The following GORASP2 variants were observed in gnomAD, a reference collection of about 807,000 sequenced individuals.
The protein encoded by GORASP2 is golgi reassembly stacking protein 2.
Under a neutral mutation model 45.7 loss-of-function variants are expected in GORASP2, and 22 were observed. That is an observed-to-expected ratio of 0.48 (90% CI 0.34 to 0.69). The LOEUF is 0.69. Ranked by LOEUF, GORASP2 falls within the 30% of genes least tolerant of loss-of-function variation. GORASP2 has a pLI of 0.01. For missense variants in GORASP2, 491 were observed against 562.7 expected (o/e 0.87, Z 1.29); for synonymous variants, 221 against 215.6 (o/e 1.02, Z -0.22).
At chr2:170,938,194 T>C (rs1033760837) in intron 1 of GORASP2, among the ~76,000 whole-genome samples, 30 of 152,392 alleles carry the variant, frequency 2.0e-4, no homozygotes, top group African/African-American at 7.2e-4. Flanking sequence ...ATGTGGAATA[T>C]AATAAGGATT....
intron 9 of GORASP2, 85 bp downstream of exon 9, chr2:170,963,031 G>A: frequency 1.2e-6 from 1 of 852,716 alleles, no homozygotes; most frequent in Non-Finnish European, 2.0e-6. Context: ...TTTTTCTGGA[G>A]AGAGCAAATC....
At chr2:170,948,025 G>C (rs1704217138) in intron 1 of GORASP2, among the ~76,000 whole-genome samples, 2 of 152,226 alleles carry the variant, frequency 1.3e-5, no homozygotes, top group African/African-American at 4.8e-5. Context: ...TCGGGAGGCT[G>C]AGGCACAAGA....
At chr2:170,943,860 G>C (rs574377154) in intron 1 of GORASP2, among the ~76,000 whole-genome samples, 1 of 152,156 alleles carries the variant, frequency 6.6e-6, no homozygotes, top group African/African-American at 2.4e-5. Context: ...AATTTTTGTA[G>C]AGATGGAGTC....
chr2:170,943,920 C>G (rs527415184), intron 1 of GORASP2, among the ~76,000 whole-genome samples: 1 of 152,288 alleles, frequency 6.6e-6, no homozygotes, highest in East Asian at 1.9e-4. Flanking sequence ...AGGAGATCCT[C>G]TCACCTCTGC....
At chr2:170,934,722 CT>C (rs967994104) in intron 1 of GORASP2, among the ~76,000 whole-genome samples, 6 of 151,778 alleles carry the variant, frequency 4.0e-5, no homozygotes, top group African/African-American at 9.7e-5. Context: ...TTGATCTCTC[CT>C]TTTTTTTCTT....
chr2:170,950,706 G>A (rs1263266900), intron 4 of GORASP2, among the ~76,000 whole-genome samples: 3 of 152,216 alleles, frequency 2.0e-5, no homozygotes, highest in Non-Finnish European at 4.4e-5. Context: ...AAAAGGCTGG[G>A]CACAGTGGCT....
At chr2:170,944,992 G>A (rs765062718) in intron 1 of GORASP2, among the ~76,000 whole-genome samples, 2 of 152,068 alleles carry the variant, frequency 1.3e-5, no homozygotes, top group Non-Finnish European at 2.9e-5. Flanking sequence ...ACATCTAGTT[G>A]ATCTGACTTT....
In GORASP2 at chr2:170,929,398, C is replaced by G. The variant is rs777118380; in HGVS notation, c.58C>G (p.Leu20Val). ...CGGGGGCACCGAGGGCTACCACGTT[C>G]TGCGGGTAAGGGCTCCGACGGCGGC... ...PGGGTEGYHV[L>V]RVQENSPGHR... is the part of the protein sequence containing the mutation. The change falls in exon 1 of 10, where the codon CTG (leucine) becomes GTG (valine). Residue 20 changes from leucine (L) to valine (V), a missense_variant. Transcript: ENST00000234160. The G allele has an allele frequency of 4.9e-6, 7 of 1,417,142 alleles. No homozygotes were observed. The South Asian group carries it at 1.1e-4, about 22-fold the overall frequency. The allele number at this position is 1,417,142 out of a possible 1,614,324, so 87.8% of individuals were successfully genotyped here.
chr2:170,946,397 T>A (rs1041825208), intron 1 of GORASP2, among the ~76,000 whole-genome samples: 16 of 152,218 alleles, frequency 1.1e-4, no homozygotes, highest in Non-Finnish European at 1.9e-4. Flanking sequence ...GATTATATTT[T>A]TTATTTTTTG....
In GORASP2 at chr2:170,929,308, A is replaced by C; in HGVS notation, c.-33A>C. 2 of 1,338,936 alleles carry C rather than the reference A, an allele frequency of 1.5e-6. No individual in the cohort carries two copies. The highest frequency in any genetic ancestry group is 1.9e-6 in the Non-Finnish European group (2 of 1,045,548). The allele number at this position is 1,338,936 out of a possible 1,614,324, so 82.9% of individuals were successfully genotyped here. ...TGCGCTGGGGGCGGGAGCAGCGCGG[A>C]GCCCGGCTCGGCCACACCGATCGCC... On this transcript the variant is annotated 5_prime_UTR_variant, in exon 1 of 10. Transcript: ENST00000234160.
chr2:170,955,161 A>G (rs964861529), intron 6 of GORASP2, among the ~76,000 whole-genome samples: 1 of 152,198 alleles, frequency 6.6e-6, no homozygotes. Flanking sequence ...CCAAGCTTCA[A>G]GAAATCGAAC....
At position 170,961,692 on chromosome 2, in the gene GORASP2, C is replaced by G. The variant is rs778417786; in HGVS notation, c.853C>G (p.Gln285Glu). 4.1e-5 allele frequency: 65 copies of G among 1,597,162 alleles called. No homozygotes were observed. The highest frequency in any genetic ancestry group is 4.1e-5 in the Non-Finnish European group (48 of 1,164,586). Residue 285 changes from glutamine (Q) to glutamate (E), a missense_variant, in exon 8 of 10, where the codon CAA (glutamine) becomes GAA (glutamate). This residue lies in a region of GORASP2 where 297 missense variants were observed against 292.3 expected (regional missense o/e 1.02). Transcript: ENST00000234160. ...GVPTVPLLPPQVNQSLTSVPP... is the reference protein window; with the variant it reads ...GVPTVPLLPPEVNQSLTSVPP... The stretch of plus-strand genomic sequence containing the variant: ...ACCAACAGTACCGTTATTGCCACCA[C>G]AAGTAAACCAGTCCCTCACTTCTGT...
intron 1 of GORASP2, among the ~76,000 whole-genome samples, chr2:170,932,042 A>G (rs1703837577): frequency 1.3e-5 from 2 of 152,352 alleles, no homozygotes; most frequent in South Asian, 2.1e-4. Flanking sequence ...CCTGACCAAC[A>G]TGGTGAAACC....
intron 1 of GORASP2, among the ~76,000 whole-genome samples, chr2:170,930,590 C>T (rs189731283): frequency 1.2e-4 from 19 of 152,194 alleles, no homozygotes; most frequent in African/African-American, 3.9e-4. Context: ...ATTATCGTGT[C>T]TATTGCCTTT....
chr2:170,966,611 G>A lies in GORASP2; in HGVS notation c.*481G>A, dbSNP rs982840052. ...TTTTTACTTTTGGTCTCCGTGAGTCGCATCTCTACTAAGGTTTACACAGGA... is the reference window on the plus strand; with the variant it reads ...TTTTTACTTTTGGTCTCCGTGAGTCACATCTCTACTAAGGTTTACACAGGA... On this transcript the variant is annotated 3_prime_UTR_variant, in exon 10 of 10. Coordinates refer to ENST00000234160, the MANE Select transcript of GORASP2 (RefSeq NM_015530.5). The A allele has an allele frequency of 5.4e-6, 1 of 185,854 alleles. No individual in the cohort carries two copies. Among genetic ancestry groups the A allele is most frequent in the South Asian group, 1.0e-4 (1 of 9,664 alleles). The allele number at this position is 185,854 out of a possible 1,614,324, so 11.5% of individuals were successfully genotyped here.
intron 1 of GORASP2, 137 bp downstream of exon 1, chr2:170,929,540 T>C: frequency 1.3e-6 from 1 of 741,760 alleles, no homozygotes; most frequent in Non-Finnish European, 2.0e-6. Flanking sequence ...GGGCGCTGCC[T>C]TGGTCGAGGC....
At chr2:170,958,668 TTTTTTTA>T (rs1378109317) in intron 7 of GORASP2, among the ~76,000 whole-genome samples, 33 of 73,840 alleles carry the variant, frequency 4.5e-4, no homozygotes, top group Non-Finnish European at 7.5e-4. Flanking sequence ...TTTTTTTTTT[TTTTTTTA>T]AAAAAAAAAA....
At chr2:170,953,698 T>A (rs1186601745) in intron 5 of GORASP2, 1 of 152,236 alleles carries the variant, frequency 6.6e-6, no homozygotes, top group Non-Finnish European at 1.5e-5. Flanking sequence ...GATAACATAC[T>A]TAATGATATG....
At chr2:170,962,556 C>T (rs1242731987) in intron 8 of GORASP2, among the ~76,000 whole-genome samples, 2 of 152,174 alleles carry the variant, frequency 1.3e-5, no homozygotes, top group Non-Finnish European at 2.9e-5. Context: ...CCAAGGCGCT[C>T]GGGCCATCAT....
Sources: gnomAD v4.1 joint callset for allele counts (sites outside exome capture counted in the v4.1 genomes callset) on GRCh38, gnomAD v4.1.1 for gene constraint, gnomAD v4.1.1 regional missense constraint, MANE v1.5 for transcripts, NCBI Gene and HGNC (gene_info 2026-07-23, HGNC 2026-07-21) for gene names.